Variants in KIF26B observed in about 807,000 individuals in gnomAD.
The protein encoded by KIF26B is kinesin family member 26B.
In KIF26B, 63 loss-of-function variants were observed where a neutral mutation model predicts 151.2. The observed-to-expected ratio is 0.42, with a 90% CI of 0.34 to 0.51. The LOEUF is 0.51. KIF26B is among the 20% of genes least tolerant of loss of function. KIF26B has a pLI of 0.07. For missense variants in KIF26B, 2,813 were observed against 2,913.6 expected, an observed-to-expected ratio of 0.97 and a Z score of 0.79; for synonymous variants, 1,357 against 1,262.1, an observed-to-expected ratio of 1.08 and a Z score of -1.59.
intron 2 of KIF26B, among the ~76,000 whole-genome samples, chr1:245,279,062 G>A (rs1670988877): frequency 1.3e-5 from 2 of 152,136 alleles, no homozygotes; most frequent in African/African-American, 4.8e-5. Context: ...TGCTTACGGA[G>A]CACGTGACCC....
At chr1:245,532,317 C>T (rs1392081984) in intron 4 of KIF26B, among the ~76,000 whole-genome samples, 1 of 146,098 alleles carries the variant, frequency 6.8e-6, no homozygotes, top group Non-Finnish European at 1.5e-5. Context: ...GCGATCTCGG[C>T]TCACTGCAAG....
intron 5 of KIF26B, among the ~76,000 whole-genome samples, chr1:245,541,569 C>T (rs116574596): frequency 0.02 from 3,113 of 152,268 alleles, 40 homozygotes; most frequent in African/African-American, 0.028. Flanking sequence ...CCGAGGAAAG[C>T]GTTTGGGTGA....
intron 10 of KIF26B, among the ~76,000 whole-genome samples, chr1:245,682,204 C>T (rs111643484): frequency 3.4e-4 from 51 of 152,190 alleles, no homozygotes; most frequent in Admixed American, 1.3e-3. Context: ...GAGATCGTGC[C>T]GTTGCACTCC....
intron 2 of KIF26B, among the ~76,000 whole-genome samples, chr1:245,238,107 C>CAG (rs933689658): frequency 9.2e-5 from 14 of 151,834 alleles, no homozygotes; most frequent in African/African-American, 3.1e-4. Context: ...CCAAGGCAGG[C>CAG]AGATCACCTG....
At chr1:245,466,795 G>A (rs1291068980) in intron 4 of KIF26B, among the ~76,000 whole-genome samples, 2 of 152,158 alleles carry the variant, frequency 1.3e-5, no homozygotes, top group African/African-American at 4.8e-5. Context: ...GCGTGGTGGT[G>A]AGTGCCTGTA....
At chr1:245,571,271 G>A (rs1007397547) in intron 5 of KIF26B, among the ~76,000 whole-genome samples, 7 of 152,112 alleles carry the variant, frequency 4.6e-5, no homozygotes, top group South Asian at 2.1e-4. Flanking sequence ...AGGACTGACC[G>A]GGGCTCCCCT....
intron 1 of KIF26B, 143 bp from the exon 2 acceptor site, chr1:245,156,139 T>G: frequency 1.6e-6 from 2 of 1,248,436 alleles, no homozygotes; most frequent in Non-Finnish European, 2.1e-6. Context: ...CGGAGGGCAA[T>G]TTGGCCGCAG....
intron 2 of KIF26B, among the ~76,000 whole-genome samples, chr1:245,346,799 C>T (rs1336235817): frequency 6.6e-6 from 1 of 152,174 alleles, no homozygotes; most frequent in African/African-American, 2.4e-5. Flanking sequence ...TTTCTTCTCT[C>T]CTAAAACCTT....
chr1:245,611,702 A>G, intron 8 of KIF26B, 91 bp from the exon 9 acceptor site: 1 of 1,369,648 alleles, frequency 7.3e-7, no homozygotes, highest in Non-Finnish European at 1.0e-6. Flanking sequence ...CAGAACACAC[A>G]GCCAGCTGAA....
chr1:245,170,487 T>G lies in KIF26B; in HGVS notation c.465+13804T>G, dbSNP rs1207297244. The stretch of plus-strand genomic sequence containing the variant: ...AACCAAACATAGAGGGCAAATGTCT[T>G]AGCCAATTCATGCTGCTATAACAAA... On this transcript the variant is annotated intron_variant, in intron 2 of 14. Transcript: ENST00000407071. This position sits in a 1 kb window ranked among gnomAD's most constrained non-coding sequence, Gnocchi z 4.4. Among the ~76,000 whole-genome samples the G allele has an allele frequency of 6.6e-6, 1 of 152,182 alleles. No homozygotes were observed. Among genetic ancestry groups the G allele is most frequent in the East Asian group, 1.9e-4 (1 of 5,200 alleles).
chr1:245,181,652 C>T (rs1668909951), intron 2 of KIF26B, among the ~76,000 whole-genome samples: 2 of 152,010 alleles, frequency 1.3e-5, no homozygotes, highest in South Asian at 2.1e-4. Context: ...TGTAGGAAAA[C>T]CTAGCGACAG....
chr1:245,366,639 C>A (rs940082932), intron 2 of KIF26B, among the ~76,000 whole-genome samples, 195 bp from the exon 3 acceptor site: 2 of 151,872 alleles, frequency 1.3e-5, no homozygotes, highest in Admixed American at 6.6e-5. Context: ...CTATAAAATT[C>A]TTACATTTGT....
chr1:245,474,530 G>A (rs1324626882), intron 4 of KIF26B, among the ~76,000 whole-genome samples: 1 of 149,178 alleles, frequency 6.7e-6, no homozygotes, highest in African/African-American at 2.4e-5. Context: ...TCCTGCCTCA[G>A]CCTCCCGAGT....
At chr1:245,469,662 G>T (rs915356281) in intron 4 of KIF26B, among the ~76,000 whole-genome samples, 1 of 152,058 alleles carries the variant, frequency 6.6e-6, no homozygotes, top group African/African-American at 2.4e-5. Context: ...AGTGGCTTTT[G>T]TATCACCCAA....
At position 245,218,798 on chromosome 1, in the gene KIF26B, A is replaced by G. The variant is rs756468714; in HGVS notation, c.465+62115A>G. ...TTAATAAACAGGATGAGCCTTTTTA[A>G]AAAAGGGAGCTTGGGGCAGAATGAA... On this transcript the variant is annotated intron_variant, in intron 2 of 14. Transcript: ENST00000407071. The surrounding 1 kb of genome is among the most constrained non-coding windows in gnomAD (Gnocchi z 4.1). 3.3e-4 allele frequency among the ~76,000 whole-genome samples: 50 copies of G among 152,184 alleles called. No individual in the cohort carries two copies. Among genetic ancestry groups the G allele is most frequent in the Non-Finnish European group, 1.5e-4 (10 of 68,034 alleles).
chr1:245,338,730 G>A lies in KIF26B; in HGVS notation c.466-28104G>A, dbSNP rs1027862434. ...AGCAGTATGTTGTAACCTCTGACCC[G>A]AAGGGCAAAGGCCTTCTGGAGGAAG... On this transcript the variant is annotated intron_variant, in intron 2 of 14. Coordinates refer to ENST00000407071, the MANE Select transcript of KIF26B (RefSeq NM_018012.4). Among the ~76,000 whole-genome samples the A allele has an allele frequency of 6.6e-5, 10 of 152,236 alleles. No homozygotes were observed. In the East Asian group the frequency reaches 1.9e-3, roughly 30 times the overall value.
At chr1:245,485,431 T>A (rs1158186575) in intron 4 of KIF26B, among the ~76,000 whole-genome samples, 1 of 150,844 alleles carries the variant, frequency 6.6e-6, no homozygotes, top group Non-Finnish European at 1.5e-5. Flanking sequence ...TCACCCAGGC[T>A]GGAGTGCAAT....
intron 12 of KIF26B, among the ~76,000 whole-genome samples, chr1:245,693,980 T>C (rs1056437377): frequency 1.3e-5 from 2 of 152,198 alleles, no homozygotes; most frequent in Non-Finnish European, 2.9e-5. Flanking sequence ...GAGTCATTGA[T>C]TCTCTCAGAC....
rs765513476 is a variant in KIF26B, at chr1:245,688,126, G to A, written c.5143G>A (p.Gly1715Arg). Residue 1715 changes from glycine to arginine, a missense_variant, in exon 12 of 15, where the codon GGG becomes AGG. By Grantham distance (125) the Gly-to-Arg change is moderately radical (BLOSUM62 -2). This residue lies in a region of KIF26B where 2,060 missense variants were observed against 2,088.6 expected (regional missense o/e 0.99). Coordinates refer to ENST00000407071, the MANE Select transcript of KIF26B (RefSeq NM_018012.4). The part of the protein sequence containing the change: ...RAGRSLGRSA[G>R]TSPPSSGASP... ...GGGGAGGAGCCTGGGCCGCAGCGCC[G>A]GGACCTCGCCCCCCAGCTCCGGGGC... is the stretch of plus-strand genomic sequence containing the variant. 5.1e-6 allele frequency: 8 copies of A among 1,580,708 alleles called. No homozygotes were observed. The highest frequency in any genetic ancestry group is 2.7e-5 in the African/African-American group (2 of 74,394).
Sources: allele counts gnomAD v4.1 joint callset (sites outside exome capture counted in the v4.1 genomes callset), GRCh38; gene constraint gnomAD v4.1.1; regional missense constraint gnomAD v4.1.1; non-coding constraint Gnocchi (gnomAD v3.1); transcripts MANE v1.5; gene names NCBI Gene and HGNC (gene_info 2026-07-23, HGNC 2026-07-21).